The following SLC16A3 variants were observed in gnomAD, a reference collection of about 807,000 sequenced individuals.
SLC16A3 encodes the protein monocarboxylate transporter 4.
A neutral mutation model predicts 25.0 loss-of-function variants in SLC16A3; 22 were observed. That is an observed-to-expected ratio of 0.88 (90% confidence interval 0.63 to 1.26). The LOEUF is 1.26. Ranked by LOEUF, SLC16A3 falls within the 50% of genes most tolerant of loss-of-function variation. The pLI is 0.00. For missense variants in SLC16A3, 731 were observed against 666.6 expected (o/e 1.10, Z -1.06); for synonymous variants, 390 against 309.2 (o/e 1.26, Z -2.74).
rs760723680 is a variant in SLC16A3, at chr17:82,237,200, C to G, written c.430C>G (p.Arg144Gly). 19 of 1,533,424 alleles carry G rather than the reference C, an allele frequency of 1.2e-5. No individual in the cohort carries two copies. Among genetic ancestry groups the G allele is most frequent in the Non-Finnish European group, 1.6e-5 (18 of 1,140,354 alleles). 95.0% of individuals were successfully genotyped at this position (1,533,424 alleles called of 1,614,324 possible). ...LIMLNRYFSK[R>G]RPMANGLAAA... ...CATGCTGAACCGCTACTTCAGCAAG[C>G]GGCGCCCCATGGCCAACGGGCTGGC... Residue 144 changes from arginine (R) to glycine (G), a missense_variant, in exon 4 of 5, where the codon CGG (arginine) becomes GGG (glycine). Arg to Gly is a moderately radical substitution (Grantham distance 125). Coordinates refer to ENST00000582743, the MANE Select transcript of SLC16A3 (RefSeq NM_004207.4).
At chr17:82,221,591 A>AAAC (rs143230826) in intron 1 of SLC16A3, among the ~76,000 whole-genome samples, 114,625 of 151,460 alleles carry the variant, frequency 0.76, 44,051 homozygotes, top group East Asian at 0.93. Flanking sequence ...GAATGAAACT[A>AAAC]AACAACAACA....
At chr17:82,228,998 C>T (rs1193976237), upstream of SLC16A3, 1 of 149,708 alleles carries the variant, frequency 6.7e-6, no homozygotes, top group African/African-American at 2.4e-5. Flanking sequence ...CGTGCCGCGC[C>T]AGCGACCCGA....
chr17:82,221,335 G>C (rs1383072673), intron 1 of SLC16A3, among the ~76,000 whole-genome samples: 1 of 152,056 alleles, frequency 6.6e-6, no homozygotes, highest in African/African-American at 2.4e-5. Context: ...TGAGGCAGGC[G>C]AGTCACTTCA....
At chr17:82,220,609 T>TA (rs945737652) in intron 1 of SLC16A3, among the ~76,000 whole-genome samples, 9 of 151,910 alleles carry the variant, frequency 5.9e-5, no homozygotes, top group South Asian at 4.1e-4. Context: ...TGTCTCTATC[T>TA]AAAAAAAATT....
chr17:82,232,637 A>G (rs890607765), intron 1 of SLC16A3, among the ~76,000 whole-genome samples: 1 of 152,200 alleles, frequency 6.6e-6, no homozygotes, highest in Admixed American at 6.5e-5. Context: ...TCCTGGTCTA[A>G]AGCCAGGGGT....
intron 2 of SLC16A3, 133 bp downstream of exon 2, chr17:82,236,364 C>G: frequency 2.4e-6 from 2 of 847,218 alleles, no homozygotes; most frequent in Admixed American, 4.6e-5. Flanking sequence ...CCCTTGGGGC[C>G]AGGATCCTGC....
chr17:82,222,653 A>G (rs1234070309), intron 1 of SLC16A3, among the ~76,000 whole-genome samples: 1 of 152,028 alleles, frequency 6.6e-6, no homozygotes, highest in Non-Finnish European at 1.5e-5. Context: ...AAAATACAAA[A>G]ATTAGCTGGG....
chr17:82,219,163 G>A (rs1002068308), intron 1 of SLC16A3, among the ~76,000 whole-genome samples: 1 of 152,130 alleles, frequency 6.6e-6, no homozygotes. Context: ...GGAGATGCAG[G>A]GAAGCCCCCA....
intron 1 of SLC16A3, among the ~76,000 whole-genome samples, chr17:82,219,979 C>A (rs555762401): frequency 6.6e-6 from 1 of 152,176 alleles, no homozygotes; most frequent in Non-Finnish European, 1.5e-5. Context: ...CGAAAAAACG[C>A]ACTCCAGGAT....
upstream of SLC16A3, among the ~76,000 whole-genome samples, chr17:82,224,162 A>AC (rs200669968): frequency 1.6e-5 from 1 of 62,830 alleles, no homozygotes; most frequent in South Asian, 6.2e-4. Context: ...ACACCCCTAC[A>AC]CCCGTGCAGA....
At chr17:82,231,301 C>G (rs1054675599) in intron 1 of SLC16A3, 4 of 152,220 alleles carry the variant, frequency 2.6e-5, no homozygotes, top group Admixed American at 1.3e-4. Context: ...GGGATTGCGC[C>G]GAGGAGGGGC....
At chr17:82,238,666 G>A (rs765903152) in intron 4 of SLC16A3, 36 bp from the exon 5 acceptor site, 29 of 1,578,440 alleles carry the variant, frequency 1.8e-5, no homozygotes, top group Admixed American at 1.2e-4. Flanking sequence ...GGGGCAGCCC[G>A]CATGAGCGGC....
chr17:82,233,848 A>T (rs749905532), intron 1 of SLC16A3: 15,130 of 149,534 alleles, frequency 0.1, 1,534 homozygotes, highest in African/African-American at 0.27. Context: ...TTATTTTTTT[A>T]TTTTTTTTTT....
intron 1 of SLC16A3, among the ~76,000 whole-genome samples, chr17:82,220,014 C>G (rs1488803316): frequency 1.3e-5 from 2 of 152,124 alleles, no homozygotes; most frequent in Non-Finnish European, 2.9e-5. Flanking sequence ...GCCGGGGGGG[C>G]CCTTTCACAG....
At chr17:82,228,922 C>T (rs1325235029), upstream of SLC16A3, 1 of 149,336 alleles carries the variant, frequency 6.7e-6, no homozygotes, top group East Asian at 2.0e-4. Flanking sequence ...GGAGCCCGTC[C>T]GGAGGCGGCG....
chr17:82,240,083 A>G lies in SLC16A3; in HGVS notation c.*1107A>G, dbSNP rs1226501908. The G allele has an allele frequency of 1.5e-5, 19 of 1,233,220 alleles. No individual in the cohort carries two copies. The East Asian group carries it at 5.7e-4, about 37-fold the overall frequency. 76.4% of individuals were successfully genotyped at this position (1,233,220 alleles called of 1,614,324 possible). A position where few individuals can be genotyped will look rare whatever the true frequency, so the allele number is the denominator to read the frequency against. On this transcript the variant is annotated 3_prime_UTR_variant, in exon 5 of 5. Coordinates refer to ENST00000582743, the MANE Select transcript of SLC16A3 (RefSeq NM_004207.4). ...CTCCTCTGCAATGAAAAGCAAGCGAAAAGTGCACATCTCAGGTCCAGCTGT... is the reference window on the plus strand; with the variant it reads ...CTCCTCTGCAATGAAAAGCAAGCGAGAAGTGCACATCTCAGGTCCAGCTGT...
intron 1 of SLC16A3, among the ~76,000 whole-genome samples, chr17:82,233,272 C>T (rs1467702567): frequency 3.9e-5 from 6 of 152,192 alleles, no homozygotes; most frequent in South Asian, 2.1e-4. Flanking sequence ...TGAGGACAGA[C>T]GATGGTGCCA....
chr17:82,235,611 G>C (rs1219052383), intron 1 of SLC16A3: 3 of 296,062 alleles, frequency 1.0e-5, no homozygotes, highest in Non-Finnish European at 2.0e-5. Flanking sequence ...CATGGTGTGC[G>C]TGGTCCCTGC....
upstream of SLC16A3, among the ~76,000 whole-genome samples, chr17:82,224,025 C>T (rs908619687): frequency 2.1e-5 from 3 of 146,010 alleles, no homozygotes; most frequent in East Asian, 2.2e-4. Flanking sequence ...CACAGAGACA[C>T]CTGTGCAGAC....
Sources: gnomAD v4.1 joint callset for allele counts (sites outside exome capture counted in the v4.1 genomes callset) on GRCh38, gnomAD v4.1.1 for gene constraint, MANE v1.5 for transcripts, NCBI Gene and HGNC (gene_info 2026-07-23, HGNC 2026-07-21) for gene names.